NPAS3: variants seen among roughly 807,000 people sequenced by gnomAD.
The protein encoded by NPAS3 is neuronal PAS domain-containing protein 3.
In NPAS3, 14 loss-of-function variants were observed where a neutral mutation model predicts 73.1. The ratio of observed to expected loss-of-function variants is 0.19; its 90% CI spans 0.13 to 0.30. The LOEUF (loss-of-function observed/expected upper bound fraction) is 0.30. Among genes scored for constraint, NPAS3 ranks in the 10% least tolerant of loss-of-function variants. NPAS3 has a pLI of 1.00. For synonymous variants in NPAS3, 620 were observed against 541.5 expected (o/e 1.14, Z -2.01); for missense variants, 1,096 against 1,250.0 (o/e 0.88, Z 1.86).
chr14:33,173,708 T>C (rs1014804909), intron 2 of NPAS3, among the ~76,000 whole-genome samples: 1 of 152,218 alleles, frequency 6.6e-6, no homozygotes, highest in Non-Finnish European at 1.5e-5. Context: ...TGAATGTGCT[T>C]TTATTCTCTG....
intron 6 of NPAS3, among the ~76,000 whole-genome samples, chr14:33,698,778 T>C (rs773536652): frequency 3.3e-5 from 5 of 152,224 alleles, no homozygotes; most frequent in Admixed American, 6.5e-5. Context: ...TCCATTGTAA[T>C]TTTCAATTGA....
Position 33,058,587 on chromosome 14 carries a change from A to G in NPAS3, c.140+2593A>G, listed in dbSNP as rs564432193. Among the ~76,000 whole-genome samples, 16 of 152,332 alleles carry G rather than the reference A, an allele frequency of 1.1e-4. No homozygotes were observed. The East Asian group carries it at 2.7e-3, about 26-fold the overall frequency. The stretch of plus-strand genomic sequence containing the variant: ...TCTAACTCTTGGTTACTATTCAAAC[A>G]GTTGGATATGTATCCAATTTAGTGG... On this transcript the variant is annotated intron_variant, in intron 2 of 11. Coordinates refer to ENST00000356141, the Ensembl canonical transcript of NPAS3.
chr14:33,650,908 G>A (rs1391050223), intron 5 of NPAS3, among the ~76,000 whole-genome samples: 4 of 152,188 alleles, frequency 2.6e-5, no homozygotes, highest in Non-Finnish European at 5.9e-5. Flanking sequence ...ACTTGAAGCA[G>A]TTCTGATGCC....
intron 1 of NPAS3, among the ~76,000 whole-genome samples, chr14:33,028,687 A>G (rs2039889653): frequency 6.6e-6 from 1 of 152,208 alleles, no homozygotes; most frequent in African/African-American, 2.4e-5. Flanking sequence ...AGTTGTGTAC[A>G]GGTACAGTGG....
At position 33,323,159 on chromosome 14, in the gene NPAS3, G is replaced by A. The variant is rs17100648; in HGVS notation, c.386-44027G>A. Among the ~76,000 whole-genome samples the A allele has an allele frequency of 8.7e-3, 1,328 of 152,194 alleles. 84 individuals carry two copies. The East Asian group carries it at 0.15, about 17-fold the overall frequency. On this transcript the variant is annotated intron_variant, in intron 3 of 11. Transcript: ENST00000356141. ...GAATGCTTTACAGCACATCAGGGTCGCCAAGACTATTCACCCAAAGGCCCC... is the reference window on the plus strand; with the variant it reads ...GAATGCTTTACAGCACATCAGGGTCACCAAGACTATTCACCCAAAGGCCCC...
At chr14:33,017,631 G>A (rs957829400) in intron 1 of NPAS3, among the ~76,000 whole-genome samples, 1 of 152,156 alleles carries the variant, frequency 6.6e-6, no homozygotes, top group Non-Finnish European at 1.5e-5. Context: ...TTGATGGTGT[G>A]GGGGTTAAGG....
At chr14:33,341,794 G>A (rs940032696) in intron 3 of NPAS3, among the ~76,000 whole-genome samples, 4 of 152,102 alleles carry the variant, frequency 2.6e-5, no homozygotes, top group African/African-American at 9.7e-5. Flanking sequence ...AGCACAGTTA[G>A]GTCCATAAAA....
chr14:33,758,336 T>C (rs373443960), intron 7 of NPAS3, among the ~76,000 whole-genome samples: 44 of 152,346 alleles, frequency 2.9e-4, no homozygotes, highest in African/African-American at 1.1e-3. Flanking sequence ...TTAACTCAAA[T>C]GCTGCCTCCT....
At chr14:33,676,423 G>C in intron 6 of NPAS3, 38 bp downstream of exon 6, 1 of 1,511,544 alleles carries the variant, frequency 6.6e-7, no homozygotes, top group African/African-American at 1.4e-5. Context: ...TTGGTGGGCA[G>C]GACCTTTGCC....
intron 3 of NPAS3, among the ~76,000 whole-genome samples, chr14:33,224,494 A>T (rs2047550361): frequency 1.3e-5 from 2 of 152,078 alleles, no homozygotes; most frequent in African/African-American, 2.4e-5. Context: ...GTATGTTAGT[A>T]AATGTCAGAA....
intron 1 of NPAS3, among the ~76,000 whole-genome samples, chr14:33,005,523 C>G (rs955211547): frequency 6.6e-6 from 1 of 152,110 alleles, no homozygotes; most frequent in African/African-American, 2.4e-5. Context: ...TCCCCAGCCC[C>G]TGAGATAGCT....
intron 4 of NPAS3, among the ~76,000 whole-genome samples, chr14:33,549,084 C>G: frequency 7.7e-6 from 1 of 130,716 alleles, no homozygotes; most frequent in African/African-American, 2.5e-5. Context: ...AAATCTGTGT[C>G]TGAAAAAAAT....
chr14:33,204,717 C>T (rs995090779), intron 2 of NPAS3, among the ~76,000 whole-genome samples: 74 of 152,160 alleles, frequency 4.9e-4, no homozygotes, highest in African/African-American at 1.7e-3. Context: ...ACATAGAAAC[C>T]CTAGCTGCAT....
chr14:33,035,938 A>G (rs901186725), intron 1 of NPAS3, among the ~76,000 whole-genome samples: 1 of 152,208 alleles, frequency 6.6e-6, no homozygotes, highest in Non-Finnish European at 1.5e-5. Context: ...CTCAGAGAAC[A>G]GAAATAGGAT....
chr14:33,604,987 A>G (rs772943940), intron 5 of NPAS3, among the ~76,000 whole-genome samples: 2 of 152,138 alleles, frequency 1.3e-5, no homozygotes, highest in Non-Finnish European at 2.9e-5. Context: ...CTAAATGCCT[A>G]TGTTTGAAAA....
chr14:33,409,838 T>C (rs1446856978), intron 4 of NPAS3, among the ~76,000 whole-genome samples: 5 of 152,184 alleles, frequency 3.3e-5, no homozygotes, highest in Non-Finnish European at 5.9e-5. Flanking sequence ...AATTGAATTA[T>C]GCTAAAAAAC....
At chr14:33,133,810 A>G (rs2043729876) in intron 2 of NPAS3, among the ~76,000 whole-genome samples, 2 of 152,122 alleles carry the variant, frequency 1.3e-5, no homozygotes, top group South Asian at 4.1e-4. Context: ...GTGACATGAT[A>G]TAGTGTCCAA....
rs113240946 is a variant in NPAS3, at chr14:33,329,013, T to G, written c.386-38173T>G. 5.8e-3 allele frequency among the ~76,000 whole-genome samples: 880 copies of G among 152,298 alleles called. 8 individuals carry two copies. The highest frequency in any genetic ancestry group is 0.02 in the African/African-American group (834 of 41,554). On this transcript the variant is annotated intron_variant, in intron 3 of 11. Coordinates refer to ENST00000356141, the Ensembl canonical transcript of NPAS3. Reference sequence around the variant, plus strand: ...TTCCTAACATGTAAGGACTTTTTTCTCTATTTTTTTTGGCATTAATTTTAC... The same window carrying G: ...TTCCTAACATGTAAGGACTTTTTTCGCTATTTTTTTTGGCATTAATTTTAC...
intron 2 of NPAS3, among the ~76,000 whole-genome samples, chr14:33,071,353 C>T (rs948041453): frequency 5.3e-4 from 81 of 152,160 alleles, no homozygotes; most frequent in Admixed American, 2.1e-3. Flanking sequence ...GATTACGCTG[C>T]TTATGCATTT....
Sources: gnomAD v4.1 joint callset for allele counts (sites outside exome capture counted in the v4.1 genomes callset) on GRCh38, gnomAD v4.1.1 for gene constraint, MANE v1.5 for transcripts, NCBI Gene and HGNC (gene_info 2026-07-23, HGNC 2026-07-21) for gene names.